The following ADSS1 variants were observed in gnomAD, a reference collection of about 807,000 sequenced individuals.
ADSS1 encodes adenylosuccinate synthase 1, also known as adenylosuccinate synthetase isozyme 1.
ADSS1 carries 57 observed loss-of-function variants against 59.1 expected under a neutral mutation model. The observed-to-expected ratio is 0.97, with a 90% CI of 0.78 to 1.20. The LOEUF (loss-of-function observed/expected upper bound fraction) is 1.20, where lower values mean the gene tolerates loss of function less well. Ranked by LOEUF, ADSS1 falls within the 50% of genes most tolerant of loss-of-function variation. The pLI is 0.00. For missense variants in ADSS1, 603 were observed against 610.3 expected, an observed-to-expected ratio of 0.99 and a Z score of 0.13; for synonymous variants, 247 against 249.4, an observed-to-expected ratio of 0.99 and a Z score of 0.09.
intron 1 of ADSS1, among the ~76,000 whole-genome samples, chr14:104,725,637 CCA>C (rs1390576295): frequency 6.6e-6 from 1 of 152,188 alleles, no homozygotes; most frequent in African/African-American, 2.4e-5. Flanking sequence ...ATCCCTCGCT[CCA>C]GAGATCCCCC....
intron 10 of ADSS1, among the ~76,000 whole-genome samples, chr14:104,744,006 A>G (rs1193087908): frequency 6.6e-6 from 1 of 152,126 alleles, no homozygotes; most frequent in East Asian, 1.9e-4. Flanking sequence ...GGAGGGAGGA[A>G]AAACAGAGCC....
chr14:104,730,632 G>A (rs1225965478), intron 1 of ADSS1, among the ~76,000 whole-genome samples: 1 of 152,168 alleles, frequency 6.6e-6, no homozygotes, highest in Non-Finnish European at 1.5e-5. Flanking sequence ...AAAATGCCTG[G>A]AGGGACCAGC....
chr14:104,745,032 T>G, intron 11 of ADSS1, 123 bp downstream of exon 11: 1 of 800,444 alleles, frequency 1.2e-6, no homozygotes, highest in Non-Finnish European at 2.0e-6. Context: ...GCAAGCAGCT[T>G]GTCTCCAGTG....
chr14:104,743,884 G>A (rs554544328), intron 10 of ADSS1, among the ~76,000 whole-genome samples: 53 of 152,258 alleles, frequency 3.5e-4, no homozygotes, highest in Non-Finnish European at 6.8e-4. Flanking sequence ...CAGGGTTCAC[G>A]GCGCAGCCTC....
intron 10 of ADSS1, among the ~76,000 whole-genome samples, chr14:104,744,192 G>A (rs750577005): frequency 1.9e-4 from 29 of 152,112 alleles, no homozygotes; most frequent in Non-Finnish European, 2.6e-4. Flanking sequence ...GAAAGTGCAC[G>A]TGTGGGGACG....
intron 1 of ADSS1, chr14:104,729,997 C>T (rs1013073772): frequency 6.3e-7 from 1 of 1,596,122 alleles, no homozygotes; most frequent in Non-Finnish European, 8.5e-7. Flanking sequence ...ACAGCACAGC[C>T]CTCCCCTGGC....
intron 1 of ADSS1, among the ~76,000 whole-genome samples, chr14:104,734,323 C>G (rs867339739): frequency 1.3e-5 from 2 of 152,332 alleles, no homozygotes; most frequent in Non-Finnish European, 1.5e-5. Context: ...TGGTTCTTGC[C>G]CCACCTGGAG....
chr14:104,725,509 T>C (rs1890693240), intron 1 of ADSS1, among the ~76,000 whole-genome samples: 1 of 152,074 alleles, frequency 6.6e-6, no homozygotes, highest in African/African-American at 2.4e-5. Flanking sequence ...GCACCCTGTG[T>C]GGCTCAGGGC....
At chr14:104,728,584 G>A (rs1252076210) in intron 1 of ADSS1, among the ~76,000 whole-genome samples, 1 of 152,216 alleles carries the variant, frequency 6.6e-6, no homozygotes, top group African/African-American at 2.4e-5. Context: ...CACACTGGTA[G>A]TCACAGGTGT....
At chr14:104,735,259 T>C (rs7149183) in intron 2 of ADSS1, 137 bp downstream of exon 2, 350,718 of 752,376 alleles carry the variant, frequency 0.47, 85,097 homozygotes, top group Admixed American at 0.59. Context: ...AGCCTCCACC[T>C]GCCCCACCAG....
chr14:104,744,996 G>A (rs1891504814), intron 11 of ADSS1, 87 bp downstream of exon 11: 2 of 1,162,152 alleles, frequency 1.7e-6, no homozygotes, highest in Admixed American at 3.9e-5. Context: ...AGAGAGGGGT[G>A]AGTTCCCACG....
At chr14:104,739,943 A>G in intron 5 of ADSS1, 127 bp downstream of exon 5, 1 of 1,008,320 alleles carries the variant, frequency 9.9e-7, no homozygotes, top group Non-Finnish European at 1.5e-6. Context: ...CCCCTGGAGA[A>G]TGGCACCGTC....
At chr14:104,745,222 T>C (rs933467257) in intron 11 of ADSS1, 18 of 323,578 alleles carry the variant, frequency 5.6e-5, no homozygotes, top group African/African-American at 3.6e-4. Context: ...AAGGCCCACC[T>C]GCAGGGAGCC....
chr14:104,742,056 G>A (rs75268661), intron 9 of ADSS1, 54 bp downstream of exon 9: 288,566 of 1,597,684 alleles, frequency 0.18, 27,270 homozygotes, highest in Admixed American at 0.22. Flanking sequence ...CCAGGCAGGG[G>A]TGCCGGGGGT....
chr14:104,741,753 C>G lies in ADSS1; in HGVS notation c.794-95C>G. 4 of 1,518,292 alleles carry G rather than the reference C, an allele frequency of 2.6e-6. No individual in the cohort carries two copies. The South Asian group carries it at 5.1e-5, about 19-fold the overall frequency. 94.1% of individuals were successfully genotyped at this position (1,518,292 alleles called of 1,614,324 possible). ...CGGAGGGGGCCCCCCACGGTTTGAA[C>G]TGCCCACTGCCCTTTACTGAGAAGG... is the stretch of plus-strand genomic sequence containing the variant. On this transcript the variant is annotated intron_variant, in intron 8 of 12. Transcript: ENST00000330877.
In ADSS1 at chr14:104,742,020, C is replaced by T. The variant is rs112883839; in HGVS notation, c.948+18C>T. The T allele has an allele frequency of 2.1e-4, 332 of 1,611,374 alleles. 3 individuals carry two copies. Among genetic ancestry groups the T allele is most frequent in the South Asian group, 1.7e-3 (151 of 90,964 alleles). On this transcript the variant is annotated intron_variant, in intron 9 of 12. Coordinates refer to ENST00000330877, the MANE Select transcript of ADSS1 (RefSeq NM_152328.5). The stretch of plus-strand genomic sequence containing the variant: ...AGATCAACGTGAGTCCCCAGCCCCT[C>T]GGGACCCCGTGGGAGGACAGGGAGG...
chr14:104,733,219 C>T (rs891167846), intron 1 of ADSS1, among the ~76,000 whole-genome samples: 4 of 152,202 alleles, frequency 2.6e-5, no homozygotes, highest in African/African-American at 7.2e-5. Flanking sequence ...CACCCAGCAC[C>T]GCCCCGCCCA....
At chr14:104,736,911 T>TATATATATATATATATATATATA (rs1566798291) in intron 2 of ADSS1, among the ~76,000 whole-genome samples, 9 of 143,332 alleles carry the variant, frequency 6.3e-5, no homozygotes, top group African/African-American at 2.4e-4. Flanking sequence ...TATATATATA[T>TATATATATATATATATATATATA]ATGCATTTTT....
At position 104,741,858 on chromosome 14, in the gene ADSS1, C is replaced by T. The variant is rs767443349; in HGVS notation, c.804C>T (p.Pro268=). 9 of 1,613,348 alleles carry T rather than the reference C, an allele frequency of 5.6e-6. No individual in the cohort carries two copies. In the South Asian group the frequency reaches 9.9e-5, roughly 18 times the overall value. Residue 268 remains proline (P), a synonymous_variant, in exon 9 of 13, where the codon CCC becomes CCT. Coordinates refer to ENST00000330877, the MANE Select transcript of ADSS1 (RefSeq NM_152328.5). The part of the protein sequence containing the change: ...ALLDIDFGTY[P]FVTSSNCTVG... ...TGCTCTGTCTTGCAGGGACCTACCC[C>T]TTTGTGACTTCATCCAACTGCACCG...
Sources: gnomAD v4.1 joint callset for allele counts (sites outside exome capture counted in the v4.1 genomes callset) on GRCh38, gnomAD v4.1.1 for gene constraint, MANE v1.5 for transcripts, NCBI Gene and HGNC (gene_info 2026-07-23, HGNC 2026-07-21) for gene names.